The following FANCD2 variants were observed in gnomAD, a reference collection of about 807,000 sequenced individuals.
FANCD2 encodes Fanconi anemia group D2 protein.
In FANCD2, 131 loss-of-function variants were observed where a neutral mutation model predicts 192.3. The ratio of observed to expected loss-of-function variants is 0.68; its 90% CI spans 0.59 to 0.79. The LOEUF (loss-of-function observed/expected upper bound fraction) is 0.79, where lower values mean the gene tolerates loss of function less well. FANCD2 is among the 30% of genes least tolerant of loss of function. The pLI is 0.00. For missense variants in FANCD2, 1,508 were observed against 1,701.6 expected, an observed-to-expected ratio of 0.89 and a Z score of 2.00; for synonymous variants, 524 against 612.5, an observed-to-expected ratio of 0.86 and a Z score of 2.13.
intron 22 of FANCD2, 70 bp downstream of exon 22, chr3:10,064,499 A>G (rs1320651700): frequency 6.3e-6 from 9 of 1,426,232 alleles, no homozygotes; most frequent in Non-Finnish European, 8.9e-6. Context: ...TAGCTGATAC[A>G]AACTTCAGAA....
At chr3:10,070,488 G>C (rs113788167) in intron 26 of FANCD2, among the ~76,000 whole-genome samples, 4 of 52,666 alleles carry the variant, frequency 7.6e-5, no homozygotes, top group Admixed American at 1.7e-4. Context: ...CCAGCCTCCC[G>C]GTCCGGGAGG....
chr3:10,042,702 T>C, intron 11 of FANCD2, 39 bp downstream of exon 11: 3 of 1,498,730 alleles, frequency 2.0e-6, no homozygotes, highest in Non-Finnish European at 9.3e-7. Context: ...ATAAAGCAAC[T>C]TAAGTGCCAA....
rs753389450 is a variant in FANCD2 at position 10,039,286 on chromosome 3, A to C, written c.499A>C (p.Ser167Arg). 6.2e-7 allele frequency: 1 copy of C among 1,613,194 alleles called. No individual in the cohort carries two copies. Among genetic ancestry groups the C allele is most frequent in the East Asian group, 2.2e-5 (1 of 44,862 alleles). ...CTCTTCCTAACATTTTAGCAAGAAC[A>C]GTGATGAAATCAACATACCTCGACT... ...LPEYFFENKNSDEINIPRLIV... is the reference protein window; with the variant it reads ...LPEYFFENKNRDEINIPRLIV... Residue 167 changes from serine (S) to arginine (R), a missense_variant, in exon 8 of 44, where the codon AGT (serine) becomes CGT (arginine). Coordinates refer to ENST00000675286, the MANE Select transcript of FANCD2 (RefSeq NM_001018115.3).
At chr3:10,064,096 C>T (rs2087645781) in intron 21 of FANCD2, among the ~76,000 whole-genome samples, 185 bp downstream of exon 21, 1 of 152,216 alleles carries the variant, frequency 6.6e-6, no homozygotes, top group Non-Finnish European at 1.5e-5. Context: ...CACTTAATAA[C>T]AATCACGATA....
intron 26 of FANCD2, among the ~76,000 whole-genome samples, chr3:10,069,659 T>C (rs1315891280): frequency 2.6e-5 from 4 of 152,058 alleles, no homozygotes; most frequent in Non-Finnish European, 4.4e-5. Flanking sequence ...AGACGGGGTT[T>C]CGCTGTGTTG....
rs145139945 is a variant in FANCD2 at position 10,086,505 on chromosome 3, T to C, written c.3335+583T>C. Among the ~76,000 whole-genome samples, 11 of 152,190 alleles carry C rather than the reference T, an allele frequency of 7.2e-5. 1 individual carries two copies. Among genetic ancestry groups the C allele is most frequent in the African/African-American group, 2.2e-4 (9 of 41,512 alleles). ...AGGACCTTATATCTTCTTTTTTTTT[T>C]CTTTGAGAGAGAGTCTCACTTTGTC... On this transcript the variant is annotated intron_variant, in intron 33 of 43. Transcript: ENST00000675286.
intron 29 of FANCD2, 90 bp from the exon 30 acceptor site, chr3:10,077,991 C>T: frequency 1.1e-6 from 1 of 888,792 alleles, no homozygotes; most frequent in Non-Finnish European, 1.9e-6. Context: ...TATGATCTTG[C>T]CACTGCACAT....
intron 29 of FANCD2, among the ~76,000 whole-genome samples, chr3:10,075,855 C>CG (rs1693509585): frequency 6.6e-6 from 1 of 151,422 alleles, no homozygotes; most frequent in Non-Finnish European, 1.5e-5. Flanking sequence ...CTCAGCCTCC[C>CG]AAGTAGCTGG....
At chr3:10,037,156 A>G (rs1300218563) in intron 7 of FANCD2, among the ~76,000 whole-genome samples, 1 of 152,112 alleles carries the variant, frequency 6.6e-6, no homozygotes, top group Non-Finnish European at 1.5e-5. Context: ...CTATGTTAAG[A>G]AATGAACAGC....
At chr3:10,035,290 C>T (rs1575735495) in intron 6 of FANCD2, 57 bp downstream of exon 6, 5 of 1,459,780 alleles carry the variant, frequency 3.4e-6, no homozygotes, top group South Asian at 2.3e-5. Flanking sequence ...GGTGTATGCT[C>T]AAGTCTAAAT....
rs1693441091 is a variant in FANCD2 at position 10,074,682 on chromosome 3, CA to C, written c.2859+10del. On this transcript the variant is annotated intron_variant, in intron 29 of 43. Coordinates refer to ENST00000675286, the MANE Select transcript of FANCD2 (RefSeq NM_001018115.3). Reference sequence around the variant, plus strand: ...CTGAAATGCACACTGAAGTAAGTGACAGGCTAGGATCTCAGAATTTAATCTT... The same window carrying C: ...CTGAAATGCACACTGAAGTAAGTGACGGCTAGGATCTCAGAATTTAATCTT... 6.2e-7 allele frequency: 1 copy of C among 1,613,084 alleles called. No individual in the cohort carries two copies. Among genetic ancestry groups the C allele is most frequent in the East Asian group, 2.2e-5 (1 of 44,806 alleles).
At chr3:10,047,661 GTTCTATTAGGCTTGTAATTTAAC>G (rs927759145) in intron 15 of FANCD2, among the ~76,000 whole-genome samples, 19 of 28,912 alleles carry the variant, frequency 6.6e-4, no homozygotes, top group African/African-American at 2.3e-3. Flanking sequence ...AGATAGGAAT[GTTCTATTAGGCTTGTAATTTAAC>G]TTCTTTGAGC....
intron 26 of FANCD2, 108 bp from the exon 27 acceptor site, chr3:10,072,763 C>G: frequency 2.7e-6 from 2 of 735,660 alleles, no homozygotes; most frequent in Non-Finnish European, 5.0e-6. Flanking sequence ...TTCAGCCATG[C>G]TTGGTAATTT....
chr3:10,079,600 A>G (rs964659923), intron 30 of FANCD2, among the ~76,000 whole-genome samples: 1 of 152,210 alleles, frequency 6.6e-6, no homozygotes, highest in East Asian at 1.9e-4. Context: ...TGCTGGGATT[A>G]TAGGCGTGAG....
At chr3:10,061,197 C>T (rs2087558150) in intron 19 of FANCD2, among the ~76,000 whole-genome samples, 1 of 152,244 alleles carries the variant, frequency 6.6e-6, no homozygotes, top group African/African-American at 2.4e-5. Context: ...TAGAAATCCC[C>T]AGCAAGCCGT....
At chr3:10,032,429 C>T (rs773727330) in intron 2 of FANCD2, 3 of 283,436 alleles carry the variant, frequency 1.1e-5, no homozygotes, top group Non-Finnish European at 2.0e-5. Flanking sequence ...TACAGGTGTG[C>T]GTCTCCTCAC....
At chr3:10,087,897 T>G (rs1432888861) in intron 34 of FANCD2, among the ~76,000 whole-genome samples, 1 of 152,118 alleles carries the variant, frequency 6.6e-6, no homozygotes, top group African/African-American at 2.4e-5. Context: ...TCCACCTGCC[T>G]CAGCCTCCCA....
chr3:10,095,611 G>A (rs932957294), intron 41 of FANCD2, among the ~76,000 whole-genome samples: 3 of 152,224 alleles, frequency 2.0e-5, no homozygotes, highest in Non-Finnish European at 2.9e-5. Context: ...GGAGACAGGA[G>A]GTGGCTCTAA....
chr3:10,098,050 C>A (rs1372676302), intron 42 of FANCD2, among the ~76,000 whole-genome samples: 6 of 152,080 alleles, frequency 3.9e-5, no homozygotes, highest in Non-Finnish European at 8.8e-5. Flanking sequence ...TTTGGAGTTA[C>A]AACATTTTTC....
Sources: allele counts gnomAD v4.1 joint callset (sites outside exome capture counted in the v4.1 genomes callset), GRCh38; gene constraint gnomAD v4.1.1; transcripts MANE v1.5; gene names NCBI Gene and HGNC (gene_info 2026-07-23, HGNC 2026-07-21).